The following ZDHHC11 variants were observed in gnomAD, a reference collection of about 807,000 sequenced individuals.
The protein encoded by ZDHHC11 is zDHHC palmitoyltransferase 11.
In ZDHHC11, 44 loss-of-function variants were observed where a neutral mutation model predicts 51.3. That is an observed-to-expected ratio of 0.86 (90% CI 0.67 to 1.10). The LOEUF is 1.10. ZDHHC11 is among the 50% of genes least tolerant of loss of function. ZDHHC11 has a pLI of 0.00. For synonymous variants in ZDHHC11, 163 were observed against 222.0 expected (o/e 0.73, Z 2.36); for missense variants, 400 against 537.7 (o/e 0.74, Z 2.53).
intron 12 of ZDHHC11, among the ~76,000 whole-genome samples, chr5:798,385 G>A (rs1310719722): frequency 4.0e-5 from 6 of 151,678 alleles, no homozygotes; most frequent in South Asian, 2.1e-4. Flanking sequence ...ATTTACACTC[G>A]CACTCACATG....
intron 5 of ZDHHC11, among the ~76,000 whole-genome samples, chr5:837,941 G>A (rs756885088): frequency 3.9e-5 from 6 of 151,948 alleles, no homozygotes; most frequent in South Asian, 2.1e-4. Flanking sequence ...TCTGGACACT[G>A]GGTGGGGCGC....
chr5:846,691 G>C (rs1354290500), intron 3 of ZDHHC11, among the ~76,000 whole-genome samples: 1 of 148,102 alleles, frequency 6.8e-6, no homozygotes, highest in African/African-American at 2.5e-5. Flanking sequence ...CATGCTCAGG[G>C]GAAACACCTC....
intron 3 of ZDHHC11, among the ~76,000 whole-genome samples, chr5:844,872 C>A (rs1280308852): frequency 1.5e-4 from 23 of 152,224 alleles, no homozygotes; most frequent in African/African-American, 5.1e-4. Flanking sequence ...TCCACAAAAA[C>A]CAATTCTGGG....
intron 1 of ZDHHC11, among the ~76,000 whole-genome samples, chr5:856,936 C>G (rs79814886): frequency 6.6e-6 from 1 of 150,674 alleles, no homozygotes; most frequent in Non-Finnish European, 1.5e-5. Flanking sequence ...CACACACCAC[C>G]GAGCACACCC....
chr5:828,175 T>G (rs1479176219), intron 7 of ZDHHC11, among the ~76,000 whole-genome samples: 4 of 151,510 alleles, frequency 2.6e-5, no homozygotes, highest in Admixed American at 2.6e-4. Flanking sequence ...TTTCTCAATC[T>G]TTTCCCCACC....
chr5:821,870 G>T lies in ZDHHC11; in HGVS notation c.1049C>A (p.Ser350Tyr), dbSNP rs1012966692. 5 of 1,606,186 alleles carry T rather than the reference G, an allele frequency of 3.1e-6. No individual in the cohort carries two copies. The Admixed American group carries it at 6.7e-5, about 22-fold the overall frequency. Reference protein sequence around the residue: ...AREGDEDPCPSALGAKARNSR... With the variant: ...AREGDEDPCPYALGAKARNSR... ...AAACTTACAAACTCACCCAAGTGCA[G>T]ATGGACACGGGTCTTCATCCCCTTC... is the stretch of plus-strand genomic sequence containing the variant. Residue 350 changes from serine (S) to tyrosine (Y), a missense_variant, in exon 9 of 13, where the codon TCT becomes TAT. Physicochemically the swap from Ser to Tyr is moderately radical, Grantham distance 144. This residue lies in a region of ZDHHC11 where 231 missense variants were observed against 227.4 expected (regional missense o/e 1.02). Transcript: ENST00000283441.
chr5:844,539 C>G (rs1401032243), intron 3 of ZDHHC11, among the ~76,000 whole-genome samples: 1 of 152,294 alleles, frequency 6.6e-6, no homozygotes, highest in Admixed American at 6.5e-5. Flanking sequence ...GCTCGGTCCA[C>G]TCGGGGGGCC....
intron 1 of ZDHHC11, among the ~76,000 whole-genome samples, chr5:856,470 A>G (rs1748261465): frequency 6.6e-6 from 1 of 151,094 alleles, no homozygotes; most frequent in South Asian, 2.1e-4. Flanking sequence ...CACACGAAAC[A>G]CACGAGACCA....
upstream of ZDHHC11, among the ~76,000 whole-genome samples, chr5:854,829 G>A (rs1338120772): frequency 1.4e-4 from 19 of 135,376 alleles, no homozygotes; most frequent in African/African-American, 2.5e-4. Context: ...ACAGCGAGCC[G>A]GGGGGCACAG....
chr5:833,970 G>A (rs1308876694), intron 6 of ZDHHC11, among the ~76,000 whole-genome samples, 163 bp from the exon 7 acceptor site: 1 of 152,220 alleles, frequency 6.6e-6, no homozygotes, highest in Non-Finnish European at 1.5e-5. Flanking sequence ...GTGTGCACGT[G>A]TTTTCATTTC....
rs1748638578 is a variant in ZDHHC11, at chr5:858,873, C to A, written c.-1+1G>T. 6.6e-6 allele frequency among the ~76,000 whole-genome samples: 1 copy of A among 152,038 alleles called. No homozygotes were observed. Among genetic ancestry groups the A allele is most frequent in the Admixed American group, 6.5e-5 (1 of 15,272 alleles). ...GGAAAGTAAGGCCCCACTTTCCTTA[C>A]CGCCAGAACCCACAGTTCCTTCTCA... On this transcript the variant is annotated splice_donor_variant, in intron 1 of 3. Coordinates refer to the ZDHHC11 transcript ENST00000685990. LOFTEE classifies it low-confidence loss of function (5UTR_SPLICE).
intron 8 of ZDHHC11, 32 bp downstream of exon 8, chr5:825,132 C>G (rs1406578552): frequency 6.3e-7 from 1 of 1,595,008 alleles, no homozygotes; most frequent in Admixed American, 1.7e-5. Flanking sequence ...CGGCCCTGAC[C>G]TCGGGGTGCA....
chr5:852,963 CAG>C (rs1747497981), upstream of ZDHHC11, among the ~76,000 whole-genome samples: 1 of 142,674 alleles, frequency 7.0e-6, no homozygotes, highest in Non-Finnish European at 1.5e-5. Context: ...GGACAGCAAG[CAG>C]CAGGGAAAGA....
rs185322938 is a variant in ZDHHC11 at position 806,497 on chromosome 5, G to C, written c.1182-5333C>G. On this transcript the variant is annotated intron_variant, in intron 11 of 12. Transcript: ENST00000283441. Reference sequence around the variant, plus strand: ...TTTTGTGAAAAGGTTCATTAATCAAGACCAAAAAGCATTACTTATACAATA... The same window carrying C: ...TTTTGTGAAAAGGTTCATTAATCAACACCAAAAAGCATTACTTATACAATA... 2.0e-3 allele frequency among the ~76,000 whole-genome samples: 307 copies of C among 150,700 alleles called. 8 individuals are homozygous for C. The highest frequency in any genetic ancestry group is 7.0e-3 in the African/African-American group (285 of 40,878).
rs775536992 is a variant in ZDHHC11, at chr5:814,814, C to A, written c.1147-19G>T. ...CTGCTTCCTGTGGGGGGAAGGGATG[C>A]AAAATTCATAGGATGAACAAAGACC... On this transcript the variant is annotated intron_variant, in intron 10 of 12. Coordinates refer to ENST00000283441, the MANE Select transcript of ZDHHC11 (RefSeq NM_024786.3). The A allele has an allele frequency of 2.6e-6, 4 of 1,529,182 alleles. No homozygotes were observed. The African/African-American group carries it at 4.2e-5, about 16-fold the overall frequency. 94.7% of individuals were successfully genotyped at this position (1,529,182 alleles called of 1,614,324 possible).
upstream of ZDHHC11, among the ~76,000 whole-genome samples, chr5:859,989 A>T (rs540691274): frequency 6.6e-6 from 1 of 152,248 alleles, no homozygotes; most frequent in African/African-American, 2.4e-5. Flanking sequence ...CACCACCGTG[A>T]GGGAGTCGTC....
At chr5:803,922 G>A (rs2081939) in intron 11 of ZDHHC11, among the ~76,000 whole-genome samples, 1 of 148,300 alleles carries the variant, frequency 6.7e-6, no homozygotes, top group Admixed American at 6.7e-5. Flanking sequence ...CAGCTAAGTT[G>A]AAGACAATCG....
intron 11 of ZDHHC11, among the ~76,000 whole-genome samples, chr5:807,490 C>T (rs1486459937): frequency 2.0e-5 from 3 of 151,374 alleles, no homozygotes; most frequent in East Asian, 3.9e-4. Context: ...AAACAAAATA[C>T]GGAGTCAATG....
At chr5:852,969 G>A (rs568618724), upstream of ZDHHC11, among the ~76,000 whole-genome samples, 11 of 148,196 alleles carry the variant, frequency 7.4e-5, no homozygotes, top group Non-Finnish European at 1.5e-4. Context: ...CAAGCAGCAG[G>A]GAAAGACCCC....
Sources: gnomAD v4.1 joint callset for allele counts (sites outside exome capture counted in the v4.1 genomes callset) on GRCh38, gnomAD v4.1.1 for gene constraint, gnomAD v4.1.1 regional missense constraint, MANE v1.5 for transcripts, NCBI Gene and HGNC (gene_info 2026-07-23, HGNC 2026-07-21) for gene names.